Variants in GRM7 observed in about 807,000 individuals in gnomAD.
The protein encoded by GRM7 is metabotropic glutamate receptor 7.
GRM7 carries 35 observed loss-of-function variants against 84.5 expected under a neutral mutation model. That is an observed-to-expected ratio of 0.41 (90% CI 0.32 to 0.55). GRM7 has a LOEUF of 0.55. GRM7 is among the 20% of genes least tolerant of loss of function. The probability of loss-of-function intolerance (pLI) is 0.19; values close to 1 mark genes in which losing one functional copy is unlikely to be tolerated. For missense variants in GRM7, 1,003 were observed against 1,194.6 expected, an observed-to-expected ratio of 0.84 and a Z score of 2.36; for synonymous variants, 487 against 455.1, an observed-to-expected ratio of 1.07 and a Z score of -0.89.
Position 7,336,494 on chromosome 3 carries a change from G to A in GRM7, c.1033+29842G>A, listed in dbSNP as rs149853160. Among the ~76,000 whole-genome samples the A allele has an allele frequency of 9.8e-3, 1,491 of 152,078 alleles. 14 individuals carry two copies. Among genetic ancestry groups the A allele is most frequent in the Admixed American group, 0.028 (420 of 15,256 alleles). ...CTGAGAACTGAAACAAGACAAGGAT[G>A]CCCACTTTCACCACTTTTATTCAAC... On this transcript the variant is annotated intron_variant, in intron 4 of 9. Coordinates refer to ENST00000357716, the MANE Select transcript of GRM7 (RefSeq NM_000844.4).
chr3:6,909,286 A>G (rs1696686450), intron 1 of GRM7, among the ~76,000 whole-genome samples: 1 of 152,074 alleles, frequency 6.6e-6, no homozygotes, highest in East Asian at 1.9e-4. Context: ...ATTGGTGGTT[A>G]CTCCAAAATC....
intron 9 of GRM7, among the ~76,000 whole-genome samples, chr3:7,726,562 C>T (rs1435767774): frequency 7.2e-6 from 1 of 138,692 alleles, no homozygotes; most frequent in Non-Finnish European, 1.5e-5. Context: ...AATATGTAAT[C>T]ACCACTCACT....
At chr3:7,726,172 G>A (rs887797942) in intron 9 of GRM7, among the ~76,000 whole-genome samples, 2 of 152,052 alleles carry the variant, frequency 1.3e-5, no homozygotes, top group Admixed American at 6.6e-5. Flanking sequence ...CAAAATGGGG[G>A]TATTAGATTG....
At chr3:7,132,628 A>T (rs1693641089) in intron 1 of GRM7, among the ~76,000 whole-genome samples, 1 of 152,230 alleles carries the variant, frequency 6.6e-6, no homozygotes, top group Admixed American at 6.5e-5. Flanking sequence ...TCCTTTTATA[A>T]GAATAAAAGA....
At chr3:7,657,780 C>T (rs1699268961) in intron 8 of GRM7, among the ~76,000 whole-genome samples, 1 of 152,076 alleles carries the variant, frequency 6.6e-6, no homozygotes, top group Non-Finnish European at 1.5e-5. Flanking sequence ...GAGGGAAAAC[C>T]TTACTCTTCC....
intron 1 of GRM7, among the ~76,000 whole-genome samples, chr3:6,940,878 C>T (rs528428304): frequency 6.6e-6 from 1 of 152,302 alleles, no homozygotes; most frequent in African/African-American, 2.4e-5. Context: ...CCTAGAAATT[C>T]CTGCAGTCAC....
intron 2 of GRM7, among the ~76,000 whole-genome samples, chr3:7,291,668 T>C (rs1413321627): frequency 6.6e-6 from 1 of 152,138 alleles, no homozygotes; most frequent in Non-Finnish European, 1.5e-5. Flanking sequence ...GAAAAGAGGC[T>C]GGGAGATTGG....
In GRM7 at chr3:7,528,144, G is replaced by A. The variant is rs904147656; in HGVS notation, c.1516-50278G>A. 2.6e-5 allele frequency among the ~76,000 whole-genome samples: 4 copies of A among 151,918 alleles called. 1 individual carries two copies. The South Asian group carries it at 8.3e-4, about 31-fold the overall frequency. On this transcript the variant is annotated intron_variant, in intron 7 of 9. Transcript: ENST00000357716. ...TGGTGGGATTCAGCTGTTAATCCAC[G>A]TAGTCCAGGGCGTTGTTTTGGTTGG...
chr3:7,674,248 G>A (rs1457802923), intron 8 of GRM7, among the ~76,000 whole-genome samples: 1 of 151,442 alleles, frequency 6.6e-6, no homozygotes, highest in African/African-American at 2.4e-5. Flanking sequence ...CTGGAATACA[G>A]TGACGCGATC....
intron 1 of GRM7, among the ~76,000 whole-genome samples, chr3:6,949,518 C>A (rs1203721893): frequency 6.6e-6 from 1 of 152,006 alleles, no homozygotes; most frequent in East Asian, 1.9e-4. Context: ...TTTGGTGAAT[C>A]TGACAATTAT....
At chr3:7,023,644 T>A (rs963283945) in intron 1 of GRM7, among the ~76,000 whole-genome samples, 3 of 151,950 alleles carry the variant, frequency 2.0e-5, no homozygotes, top group Non-Finnish European at 1.5e-5. Context: ...TGAGGGAGGG[T>A]CAGCTTTCTG....
At position 7,706,932 on chromosome 3, in the gene GRM7, G is replaced by T. The variant is rs140781734; in HGVS notation, c.2698+26637G>T. ...CCAGACCAGCAAAGATCGTCTCCAA[G>T]GAGCCAGACCTCTCTTTGGGAAAGG... On this transcript the variant is annotated intron_variant, in intron 9 of 9. Coordinates refer to ENST00000357716, the MANE Select transcript of GRM7 (RefSeq NM_000844.4). Among the ~76,000 whole-genome samples, 24 of 152,164 alleles carry T rather than the reference G, an allele frequency of 1.6e-4. No homozygotes were observed. In the East Asian group the frequency reaches 3.1e-3, roughly 20 times the overall value.
chr3:7,244,320 C>T (rs888641648), intron 2 of GRM7, among the ~76,000 whole-genome samples: 1 of 152,064 alleles, frequency 6.6e-6, no homozygotes, highest in Non-Finnish European at 1.5e-5. Flanking sequence ...ATACTTCACC[C>T]AATCGACTGG....
At chr3:7,553,241 T>C (rs1693578315) in intron 7 of GRM7, among the ~76,000 whole-genome samples, 1 of 152,182 alleles carries the variant, frequency 6.6e-6, no homozygotes, top group South Asian at 2.1e-4. Context: ...GTTCCTCATC[T>C]CTATCTGAGA....
chr3:7,538,259 G>A (rs983710804), intron 7 of GRM7, among the ~76,000 whole-genome samples: 4 of 152,112 alleles, frequency 2.6e-5, no homozygotes, highest in Admixed American at 6.5e-5. Context: ...ACAAGAGTGC[G>A]CAACCACGCC....
At chr3:7,191,145 A>G (rs1490112917) in intron 2 of GRM7, among the ~76,000 whole-genome samples, 1 of 152,166 alleles carries the variant, frequency 6.6e-6, no homozygotes, top group Non-Finnish European at 1.5e-5. Context: ...ATGAGAGGAT[A>G]ATCGAAATTG....
intron 9 of GRM7, among the ~76,000 whole-genome samples, chr3:7,698,248 G>C (rs78891371): frequency 0.015 from 2,354 of 152,282 alleles, 68 homozygotes; most frequent in African/African-American, 0.054. Flanking sequence ...TCTGGGCAGA[G>C]GGATCGTCCT....
chr3:7,715,524 T>A (rs1436270464), intron 9 of GRM7, among the ~76,000 whole-genome samples: 1 of 152,194 alleles, frequency 6.6e-6, no homozygotes, highest in East Asian at 1.9e-4. Flanking sequence ...AGGACTGACA[T>A]ACTAATAGTG....
intron 1 of GRM7, among the ~76,000 whole-genome samples, chr3:6,981,629 A>C (rs896073944): frequency 6.6e-6 from 1 of 152,164 alleles, no homozygotes; most frequent in Non-Finnish European, 1.5e-5. Flanking sequence ...TCAAACTGAT[A>C]GCCTCCGAGT....
Sources: gnomAD v4.1 joint callset for allele counts (sites outside exome capture counted in the v4.1 genomes callset) on GRCh38, gnomAD v4.1.1 for gene constraint, MANE v1.5 for transcripts, NCBI Gene and HGNC (gene_info 2026-07-23, HGNC 2026-07-21) for gene names.